The following TMCC3 variants were observed in gnomAD, a reference collection of about 807,000 sequenced individuals.
TMCC3 encodes the protein transmembrane and coiled-coil domain protein 3.
Under a neutral mutation model 40.2 loss-of-function variants are expected in TMCC3, and 28 were observed. That is an observed-to-expected ratio of 0.70 (90% CI 0.52 to 0.95). TMCC3 has a LOEUF of 0.95. TMCC3 is among the 40% of genes least tolerant of loss of function. The pLI, the probability that TMCC3 is intolerant of heterozygous loss-of-function variation, is 0.00. For synonymous variants in TMCC3, 255 were observed against 248.5 expected (o/e 1.03, Z -0.25); for missense variants, 554 against 615.2 (o/e 0.90, Z 1.05).
At chr12:94,633,958 T>A (rs12426392) in intron 1 of TMCC3, among the ~76,000 whole-genome samples, 9,113 of 149,732 alleles carry the variant, frequency 0.061, 307 homozygotes, top group South Asian at 0.16. Flanking sequence ...TATTTTTTTT[T>A]TTTTTGAGAC....
At chr12:94,586,369 C>T (rs146392047) in intron 1 of TMCC3, among the ~76,000 whole-genome samples, 25 of 152,336 alleles carry the variant, frequency 1.6e-4, no homozygotes, top group Middle Eastern at 3.4e-3. Flanking sequence ...TCAATCTCAA[C>T]GACATCACCT....
rs2068712871 is a variant in TMCC3, at chr12:94,595,980, TAAA to T, written c.79-13445_79-13443del. Among the ~76,000 whole-genome samples, 3 of 152,308 alleles carry T rather than the reference TAAA, an allele frequency of 2.0e-5. No homozygotes were observed. The South Asian group carries it at 6.2e-4, about 32-fold the overall frequency. ...CGGCCTTCAAATGAGGCCCTCAACA[TAAA>T]AACTGATTTCCTTGGGTTGAATAAA... On this transcript the variant is annotated intron_variant, in intron 1 of 3. Transcript: ENST00000261226.
chr12:94,617,609 G>A (rs139626005), intron 1 of TMCC3, among the ~76,000 whole-genome samples: 2 of 152,260 alleles, frequency 1.3e-5, no homozygotes, highest in African/African-American at 4.8e-5. Flanking sequence ...GACCATATTT[G>A]TAGGCACAGA....
chr12:94,639,320 T>G (rs561049163), intron 1 of TMCC3, among the ~76,000 whole-genome samples: 1 of 152,126 alleles, frequency 6.6e-6, no homozygotes, highest in African/African-American at 2.4e-5. Flanking sequence ...GGTGGCTCAC[T>G]CCTATAATCC....
intron 1 of TMCC3, among the ~76,000 whole-genome samples, chr12:94,645,929 C>T (rs10466991): frequency 0.096 from 14,644 of 152,096 alleles, 1,499 homozygotes; most frequent in African/African-American, 0.26. Context: ...ATTGTGCACC[C>T]GGCATGGAGT....
At position 94,581,738 on chromosome 12, in the gene TMCC3, T is replaced by C. The variant is rs1232415339; in HGVS notation, c.879A>G (p.Glu293=). The C allele has an allele frequency of 5.6e-6, 9 of 1,614,236 alleles. No individual in the cohort carries two copies. Among genetic ancestry groups the C allele is most frequent in the Non-Finnish European group, 7.6e-6 (9 of 1,180,028 alleles). ...SQGKLAVILE[E]LREIKDTQAQ... ...CTTGGGTATCCTTGATCTCCCTCAG[T>C]TCCTCCAGGATCACGGCGAGCTTGC... is the stretch of plus-strand genomic sequence containing the variant. The change falls in exon 2 of 4, where the codon GAA becomes GAG. Residue 293 remains glutamate, a synonymous_variant. Coordinates refer to ENST00000261226, the MANE Select transcript of TMCC3 (RefSeq NM_020698.4).
chr12:94,603,527 G>A (rs1383184328), intron 1 of TMCC3, among the ~76,000 whole-genome samples: 2 of 152,214 alleles, frequency 1.3e-5, no homozygotes, highest in African/African-American at 4.8e-5. Flanking sequence ...TCTCACGTGT[G>A]TAATACTTAA....
chr12:94,571,345 CA>C lies in TMCC3; in HGVS notation c.*89del. The C allele has an allele frequency of 7.4e-7, 1 of 1,359,688 alleles. No individual in the cohort carries two copies. Among genetic ancestry groups the C allele is most frequent in the Non-Finnish European group, 1.0e-6 (1 of 986,798 alleles). 84.2% of individuals were successfully genotyped at this position (1,359,688 alleles called of 1,614,324 possible). On this transcript the variant is annotated 3_prime_UTR_variant, in exon 4 of 4. Coordinates refer to ENST00000261226, the MANE Select transcript of TMCC3 (RefSeq NM_020698.4). The stretch of plus-strand genomic sequence containing the variant: ...CTAGTTTTTCTTACACACGAGTCCG[CA>C]CAATCATTCACTGTAAAATTTGGTA...
At chr12:94,605,870 C>A (rs2068779583) in intron 1 of TMCC3, among the ~76,000 whole-genome samples, 1 of 152,136 alleles carries the variant, frequency 6.6e-6, no homozygotes, top group Non-Finnish European at 1.5e-5. Flanking sequence ...TCACTCTAAG[C>A]CATACTTACG....
chr12:94,595,681 T>C (rs1271244694), intron 1 of TMCC3, among the ~76,000 whole-genome samples: 2 of 152,216 alleles, frequency 1.3e-5, no homozygotes. Context: ...TAGAAATAAG[T>C]AGCTATTCAA....
chr12:94,604,630 C>T (rs1235319006), intron 1 of TMCC3, among the ~76,000 whole-genome samples: 3 of 132,094 alleles, frequency 2.3e-5, no homozygotes, highest in Non-Finnish European at 4.8e-5. Flanking sequence ...AATAGTGAGA[C>T]CCCATCTCTA....
intron 2 of TMCC3, 108 bp downstream of exon 2, chr12:94,581,514 T>C: frequency 1.5e-6 from 1 of 677,348 alleles, no homozygotes; most frequent in Non-Finnish European, 2.1e-6. Flanking sequence ...ACCCACTAAG[T>C]ATCCGTGGTA....
At chr12:94,608,252 TG>T (rs2068794999) in intron 1 of TMCC3, among the ~76,000 whole-genome samples, 1 of 152,342 alleles carries the variant, frequency 6.6e-6, no homozygotes, top group East Asian at 1.9e-4. Flanking sequence ...CAAACAGATT[TG>T]GGTAACATCA....
At chr12:94,602,734 T>C (rs1160210963) in intron 1 of TMCC3, among the ~76,000 whole-genome samples, 1 of 152,022 alleles carries the variant, frequency 6.6e-6, no homozygotes, top group Non-Finnish European at 1.5e-5. Flanking sequence ...GCTACAGGAG[T>C]GCACCATCAT....
At chr12:94,606,767 C>T (rs4761490) in intron 1 of TMCC3, among the ~76,000 whole-genome samples, 23,014 of 151,892 alleles carry the variant, frequency 0.15, 2,024 homozygotes, top group Admixed American at 0.25. Context: ...AGGGGGTGTA[C>T]GAACAGGGCG....
intron 1 of TMCC3, among the ~76,000 whole-genome samples, chr12:94,612,142 G>T (rs1594287312): frequency 6.6e-6 from 1 of 152,086 alleles, no homozygotes; most frequent in South Asian, 2.1e-4. Context: ...GGGACTACAG[G>T]TGCACACCAT....
intron 1 of TMCC3, among the ~76,000 whole-genome samples, chr12:94,626,854 A>ATTGT (rs757102153): frequency 6.6e-5 from 10 of 151,992 alleles, no homozygotes; most frequent in South Asian, 4.2e-4. Context: ...TGTTGTTGTT[A>ATTGT]TTGTTTGTTT....
At chr12:94,601,671 G>A (rs1253371348) in intron 1 of TMCC3, among the ~76,000 whole-genome samples, 4 of 151,726 alleles carry the variant, frequency 2.6e-5, no homozygotes, top group Non-Finnish European at 1.5e-5. Context: ...GGCTGAGCAT[G>A]GTGGTGCACA....
At chr12:94,589,081 C>T (rs1238496878) in intron 1 of TMCC3, among the ~76,000 whole-genome samples, 2 of 152,092 alleles carry the variant, frequency 1.3e-5, no homozygotes, top group African/African-American at 4.8e-5. Context: ...CATCGGCCCC[C>T]CAAAGTGCTG....
Sources: gnomAD v4.1 joint callset for allele counts (sites outside exome capture counted in the v4.1 genomes callset) on GRCh38, gnomAD v4.1.1 for gene constraint, MANE v1.5 for transcripts, NCBI Gene and HGNC (gene_info 2026-07-23, HGNC 2026-07-21) for gene names.